The following TULP4 variants were observed in gnomAD, a reference collection of about 807,000 sequenced individuals.
TULP4 encodes the protein tubby-related protein 4.
A neutral mutation model predicts 129.0 loss-of-function variants in TULP4; 16 were observed. The ratio of observed to expected loss-of-function variants is 0.12; its 90% confidence interval spans 0.08 to 0.19. The LOEUF (loss-of-function observed/expected upper bound fraction) is 0.19, where lower values mean the gene tolerates loss of function less well. TULP4 is among the 10% of genes least tolerant of loss of function. The probability of loss-of-function intolerance (pLI) is 1.00; values close to 1 mark genes in which losing one functional copy is unlikely to be tolerated. For synonymous variants in TULP4, 998 were observed against 854.0 expected, an observed-to-expected ratio of 1.17 and a Z score of -2.94; for missense variants, 1,842 against 2,059.1, an observed-to-expected ratio of 0.89 and a Z score of 2.04.
intron 3 of TULP4, among the ~76,000 whole-genome samples, chr6:158,432,679 G>A (rs1778658513): frequency 6.6e-6 from 1 of 152,200 alleles, no homozygotes. Flanking sequence ...TGGCCAACAT[G>A]GTGAAACCCC....
At chr6:158,353,594 C>G (rs1268710305) in intron 1 of TULP4, among the ~76,000 whole-genome samples, 1 of 152,092 alleles carries the variant, frequency 6.6e-6, no homozygotes, top group Non-Finnish European at 1.5e-5. Context: ...CTGAAAATAC[C>G]TTTTCTATTT....
chr6:158,458,271 A>G (rs1176275838), intron 5 of TULP4, among the ~76,000 whole-genome samples: 1 of 152,234 alleles, frequency 6.6e-6, no homozygotes. Context: ...AACCTTCCAG[A>G]CTTTTACCAA....
Position 158,508,781 on chromosome 6 carries a change from T to C in TULP4, c.*2087T>C, listed in dbSNP as rs1270245124. ...TTTGTTGTTACGTTTTGGTGAGTTA[T>C]ACCCATTTTATTTATTTAGAAAAAT... is the stretch of plus-strand genomic sequence containing the variant. On this transcript the variant is annotated 3_prime_UTR_variant, in exon 14 of 14. Transcript: ENST00000367097. The C allele has an allele frequency of 6.6e-6, 1 of 152,400 alleles. No individual in the cohort carries two copies. Among genetic ancestry groups the C allele is most frequent in the Non-Finnish European group, 1.5e-5 (1 of 67,998 alleles). The allele number at this position is 152,400 out of a possible 1,614,324, so 9.4% of individuals were successfully genotyped here.
At chr6:158,268,679 A>G (rs901955055) in intron 1 of TULP4, among the ~76,000 whole-genome samples, 2 of 152,142 alleles carry the variant, frequency 1.3e-5, no homozygotes, top group Non-Finnish European at 2.9e-5. Context: ...TAGCAATTAC[A>G]TTTTCCTATT....
intron 1 of TULP4, among the ~76,000 whole-genome samples, chr6:158,261,579 C>T (rs560220270): frequency 6.6e-6 from 1 of 152,180 alleles, no homozygotes; most frequent in South Asian, 2.1e-4. Context: ...CAAAATGAGA[C>T]AGTGATTTGA....
intron 1 of TULP4, among the ~76,000 whole-genome samples, chr6:158,240,770 G>GACGGGGCGGC (rs1404584491): frequency 1.4e-5 from 2 of 139,760 alleles, no homozygotes; most frequent in African/African-American, 5.0e-5. Context: ...CTCCCTCCCG[G>GACGGGGCGGC]TCGGCACGGC....
intron 1 of TULP4, among the ~76,000 whole-genome samples, chr6:158,384,119 A>T (rs986618315): frequency 6.6e-6 from 1 of 152,132 alleles, no homozygotes; most frequent in Non-Finnish European, 1.5e-5. Context: ...AATTACAGTA[A>T]TATTTTGTTT....
At chr6:158,262,663 CTG>C (rs1778371968) in intron 1 of TULP4, among the ~76,000 whole-genome samples, 1 of 152,042 alleles carries the variant, frequency 6.6e-6, no homozygotes, top group Admixed American at 6.6e-5. Context: ...CCGGAAGAGT[CTG>C]AGAGAAGGCT....
At chr6:158,344,218 C>G (rs1279639621) in intron 1 of TULP4, among the ~76,000 whole-genome samples, 1 of 152,224 alleles carries the variant, frequency 6.6e-6, no homozygotes. Context: ...CCTATAAGAA[C>G]TAATGATAAT....
At position 158,503,128 on chromosome 6, in the gene TULP4, G is replaced by T; in HGVS notation, c.3465G>T (p.Leu1155=). Residue 1155 remains leucine, a synonymous_variant, in exon 13 of 14, where the codon CTG becomes CTT. Transcript: ENST00000367097. This position sits in a 1 kb window ranked among gnomAD's most constrained non-coding sequence, Gnocchi z 4.3. ...CCTTAAAACTGTCCTCTCTGATGCTGAGTCAGGGCCAGCACCTGGACGTGT... is the reference window on the plus strand; with the variant it reads ...CCTTAAAACTGTCCTCTCTGATGCTTAGTCAGGGCCAGCACCTGGACGTGT... ...PNPLKLSSLM[L]SQGQHLDVSR... The T allele has an allele frequency of 6.2e-7, 1 of 1,613,926 alleles. No homozygotes were observed. The highest frequency in any genetic ancestry group is 8.5e-7 in the Non-Finnish European group (1 of 1,179,856).
chr6:158,319,211 G>A (rs1779566661), intron 1 of TULP4, among the ~76,000 whole-genome samples: 1 of 152,034 alleles, frequency 6.6e-6, no homozygotes, highest in African/African-American at 2.4e-5. Context: ...ACCTGTGGGT[G>A]GCACTAGATA....
chr6:158,351,411 A>C (rs1447427215), intron 1 of TULP4, among the ~76,000 whole-genome samples: 1 of 152,196 alleles, frequency 6.6e-6, no homozygotes, highest in African/African-American at 2.4e-5. Context: ...TTCTGAATAG[A>C]GAGGCTTCAG....
At chr6:158,365,289 CT>C in intron 1 of TULP4, among the ~76,000 whole-genome samples, 1 of 151,948 alleles carries the variant, frequency 6.6e-6, no homozygotes, top group East Asian at 1.9e-4. Flanking sequence ...TACTAATTCT[CT>C]CGTTTACTGT....
chr6:158,481,235 A>T lies in TULP4; in HGVS notation c.1432A>T (p.Ser478Cys). ...GCCCATCCTCAAAGGGCGGCGCATCAGCAAGCTGCGGCCAGAGTTCGTCAT... is the reference window on the plus strand; with the variant it reads ...GCCCATCCTCAAAGGGCGGCGCATCTGCAAGCTGCGGCCAGAGTTCGTCAT... Reference protein sequence around the residue: ...LVPILKGRRISKLRPEFVIMD... With the variant: ...LVPILKGRRICKLRPEFVIMD... The change falls in exon 8 of 14, where the codon AGC becomes TGC. Residue 478 changes from serine to cysteine, a missense_variant. This residue lies in a region of TULP4 where 456 missense variants were observed against 534.3 expected (regional missense o/e 0.85). Coordinates refer to ENST00000367097, the MANE Select transcript of TULP4 (RefSeq NM_020245.5). 6.2e-7 allele frequency: 1 copy of T among 1,614,254 alleles called. No individual in the cohort carries two copies.
intron 7 of TULP4, among the ~76,000 whole-genome samples, 180 bp downstream of exon 7, chr6:158,480,155 AGAGATTTGCCCTGTGTGGTGG>A (rs1779907410): frequency 6.6e-6 from 1 of 152,226 alleles, no homozygotes. Flanking sequence ...CATGTCCATG[AGAGATTTGCCCTGTGTGGTGG>A]CTGTTATCTT....
intron 1 of TULP4, among the ~76,000 whole-genome samples, chr6:158,342,195 C>T (rs370323457): frequency 3.3e-5 from 5 of 152,230 alleles, no homozygotes; most frequent in South Asian, 2.1e-4. Context: ...GGATTACAGG[C>T]GTGAGCCACT....
In TULP4 at chr6:158,268,000, A is replaced by ATCTTT. The variant is rs145400679; in HGVS notation, n.68+35719_68+35723dup. On this transcript the variant is annotated intron_variant and non_coding_transcript_variant, in intron 1 of 1. Coordinates refer to the TULP4 transcript ENST00000620026. ...TTTTTTGTTCTTTTACATTTGTTTG[A>ATCTTT]TCTTTTCTTTTCTTTTCTTTTCTTT... 3.7e-4 allele frequency among the ~76,000 whole-genome samples: 47 copies of ATCTTT among 127,826 alleles called. 1 individual carries two copies. The highest frequency in any genetic ancestry group is 1.3e-3 in the East Asian group (6 of 4,510). The allele number at this position is 127,826 out of a possible 152,430, so 83.9% of individuals were successfully genotyped here. A position where few individuals can be genotyped will look rare whatever the true frequency, so the allele number is the denominator to read the frequency against.
intron 6 of TULP4, among the ~76,000 whole-genome samples, chr6:158,467,885 G>C (rs1297923910): frequency 6.6e-6 from 1 of 152,204 alleles, no homozygotes; most frequent in Non-Finnish European, 1.5e-5. Flanking sequence ...CTGGTTGAAT[G>C]AATCAGTGAG....
At chr6:158,444,092 A>AGGT (rs1562568532) in intron 3 of TULP4, among the ~76,000 whole-genome samples, 8 of 151,462 alleles carry the variant, frequency 5.3e-5, no homozygotes, top group Admixed American at 2.0e-4. Flanking sequence ...TGGTGGCGCA[A>AGGT]GCCTGTAGTC....
Sources: allele counts gnomAD v4.1 joint callset (sites outside exome capture counted in the v4.1 genomes callset), GRCh38; gene constraint gnomAD v4.1.1; regional missense constraint gnomAD v4.1.1; non-coding constraint Gnocchi (gnomAD v3.1); transcripts MANE v1.5; gene names NCBI Gene and HGNC (gene_info 2026-07-23, HGNC 2026-07-21).